The following C17orf75 variants were observed in gnomAD, a reference collection of about 807,000 sequenced individuals.
C17orf75 encodes chromosome 17 open reading frame 75.
A neutral mutation model predicts 49.6 loss-of-function variants in C17orf75; 32 were observed. That is an observed-to-expected ratio of 0.65 (90% confidence interval 0.49 to 0.87). C17orf75 has a LOEUF of 0.87. Ranked by LOEUF, C17orf75 falls within the 40% of genes least tolerant of loss-of-function variation. The probability of loss-of-function intolerance (pLI) is 0.00; values close to 1 mark genes in which losing one functional copy is unlikely to be tolerated. For synonymous variants in C17orf75, 158 were observed against 159.5 expected, an observed-to-expected ratio of 0.99 and a Z score of 0.07; for missense variants, 428 against 473.9, an observed-to-expected ratio of 0.90 and a Z score of 0.90.
intron 1 of C17orf75, chr17:32,341,655 A>G: frequency 2.8e-6 from 1 of 361,216 alleles, no homozygotes; most frequent in East Asian, 8.1e-5. Flanking sequence ...AGAAGTGGGG[A>G]GATAATGACA....
At chr17:32,334,860 C>A in intron 6 of C17orf75, 21 bp from the exon 7 acceptor site, 1 of 1,583,356 alleles carries the variant, frequency 6.3e-7, no homozygotes, top group South Asian at 1.1e-5. Context: ...AAAATAAAGC[C>A]TGATTGGTAC....
At chr17:32,339,325 C>A (rs901568991) in intron 3 of C17orf75, among the ~76,000 whole-genome samples, 1 of 146,318 alleles carries the variant, frequency 6.8e-6, no homozygotes, top group Non-Finnish European at 1.5e-5. Flanking sequence ...AAACTGTATA[C>A]AAATTTAGTT....
Position 32,331,468 on chromosome 17 carries a change from G to C in C17orf75, c.*295C>G, listed in dbSNP as rs1035006013. 11 of 295,514 alleles carry C rather than the reference G, an allele frequency of 3.7e-5. No individual in the cohort carries two copies. The Admixed American group carries it at 3.7e-4, about 10-fold the overall frequency. The allele number at this position is 295,514 out of a possible 1,614,324, so 18.3% of individuals were successfully genotyped here. A position where few individuals can be genotyped will look rare whatever the true frequency, so the allele number is the denominator to read the frequency against. Reference sequence around the variant, plus strand: ...CAAACTCAGGCTTTTCCTGAGAAAAGCCACAAACAAAATCATCTCTGAAAT... The same window carrying C: ...CAAACTCAGGCTTTTCCTGAGAAAACCCACAAACAAAATCATCTCTGAAAT... On this transcript the variant is annotated 3_prime_UTR_variant, in exon 10 of 10. Transcript: ENST00000577809.
chr17:32,339,214 A>T (rs2041354756), intron 3 of C17orf75, among the ~76,000 whole-genome samples: 1 of 151,510 alleles, frequency 6.6e-6, no homozygotes, highest in Admixed American at 6.6e-5. Context: ...TTAAGTTTAC[A>T]TAAACTCTGA....
chr17:32,335,549 C>T lies in C17orf75; in HGVS notation c.550-107G>A. 2.0e-5 allele frequency: 27 copies of T among 1,356,508 alleles called. No homozygotes were observed. In the Middle Eastern group the frequency reaches 5.7e-4, roughly 29 times the overall value. The allele number at this position is 1,356,508 out of a possible 1,614,324, so 84.0% of individuals were successfully genotyped here. ...TGGTGAAAAAGACCAGGATAGACAC[C>T]TCCCTTTTTAAAGCTAACACCACCA... On this transcript the variant is annotated intron_variant, in intron 5 of 9. Transcript: ENST00000577809.
Position 32,338,188 on chromosome 17 carries a change from A to C in C17orf75, c.491+20T>G. On this transcript the variant is annotated intron_variant, in intron 4 of 9. Coordinates refer to ENST00000577809, the MANE Select transcript of C17orf75 (RefSeq NM_022344.4). ...CCATGTTTTCCTTCCTGATGTTCTC[A>C]AAAACCAAAGAAAGGATATAGCTCA... 6.2e-7 allele frequency: 1 copy of C among 1,603,318 alleles called. No homozygotes were observed. The highest frequency in any genetic ancestry group is 1.1e-5 in the South Asian group (1 of 87,698).
chr17:32,342,192 C>A, upstream of C17orf75: 2 of 1,465,680 alleles, frequency 1.4e-6, no homozygotes, highest in African/African-American at 1.4e-5. Context: ...CCCCTGCTCC[C>A]GTGCAGCCGT....
At chr17:32,343,199 A>T (rs1036215171), upstream of C17orf75, among the ~76,000 whole-genome samples, 2 of 152,174 alleles carry the variant, frequency 1.3e-5, no homozygotes, top group Non-Finnish European at 2.9e-5. Flanking sequence ...TCAAGAGAGT[A>T]TGTCCCCACC....
At chr17:32,344,927 A>T (rs1420118716), upstream of C17orf75, among the ~76,000 whole-genome samples, 1 of 151,946 alleles carries the variant, frequency 6.6e-6, no homozygotes, top group African/African-American at 2.4e-5. Context: ...AAATAAAAAT[A>T]AAAAAAGAAA....
chr17:32,337,983 G>A, intron 4 of C17orf75, 29 bp from the exon 5 acceptor site: 1 of 1,573,184 alleles, frequency 6.4e-7, no homozygotes, highest in Non-Finnish European at 8.7e-7. Flanking sequence ...AATAAAGGAT[G>A]AATAATGAAG....
chr17:32,338,081 T>A, intron 4 of C17orf75, 127 bp from the exon 5 acceptor site: 1 of 1,513,336 alleles, frequency 6.6e-7, no homozygotes, highest in East Asian at 2.3e-5. Context: ...AATGGCCACA[T>A]GAAGGTATGA....
rs751041422 is a variant in C17orf75 at position 32,335,367 on chromosome 17, C to T, written c.625G>A (p.Val209Ile). The T allele has an allele frequency of 1.8e-5, 29 of 1,613,882 alleles. No homozygotes were observed. Among genetic ancestry groups the T allele is most frequent in the Non-Finnish European group, 2.4e-5 (28 of 1,179,826 alleles). The change falls in exon 6 of 10, where the codon GTT becomes ATT. Residue 209 changes from valine (V) to isoleucine (I), a missense_variant. Coordinates refer to ENST00000577809, the MANE Select transcript of C17orf75 (RefSeq NM_022344.4). ...FEDVVCPIQR[V>I]VLLFQEKLTF... ...AGCTTTTCCTGAAAGAGAAGAACAA[C>T]CCTTTGGATTGGGCATACAACATCC...
chr17:32,334,881 GT>G, intron 6 of C17orf75, 42 bp from the exon 7 acceptor site: 2 of 1,516,576 alleles, frequency 1.3e-6, no homozygotes, highest in Non-Finnish European at 9.0e-7. Flanking sequence ...ATATATTCCA[GT>G]TTTTCTTGAG....
chr17:32,345,440 C>T (rs775886105), upstream of C17orf75, among the ~76,000 whole-genome samples: 4 of 152,142 alleles, frequency 2.6e-5, no homozygotes, highest in Non-Finnish European at 5.9e-5. Context: ...CATGCCACTG[C>T]TCTCCAGCCT....
chr17:32,343,778 T>C (rs1468242265), upstream of C17orf75: 1 of 643,296 alleles, frequency 1.6e-6, no homozygotes, highest in East Asian at 2.8e-5. Flanking sequence ...AGGATTCTGA[T>C]TGCGGACAAC....
At chr17:32,334,087 A>T (rs934202995) in intron 8 of C17orf75, among the ~76,000 whole-genome samples, 1 of 152,236 alleles carries the variant, frequency 6.6e-6, no homozygotes, top group Non-Finnish European at 1.5e-5. Flanking sequence ...TGACACAAGT[A>T]GCTCTAGTTC....
intron 2 of C17orf75, chr17:32,340,862 TGAGGCCGGG>T (rs1481141163): frequency 1.7e-5 from 4 of 235,958 alleles, no homozygotes; most frequent in Middle Eastern, 1.6e-3. Context: ...GAGGATCACC[TGAGGCCGGG>T]GAGGTTGACG....
chr17:32,344,185 G>A, upstream of C17orf75: 2 of 493,610 alleles, frequency 4.1e-6, no homozygotes, highest in South Asian at 4.5e-5. Flanking sequence ...TTTTTATAGA[G>A]ACAGTGTATC....
At chr17:32,340,697 C>G (rs981714513) in intron 2 of C17orf75, among the ~76,000 whole-genome samples, 3 of 151,592 alleles carry the variant, frequency 2.0e-5, no homozygotes, top group Non-Finnish European at 4.4e-5. Flanking sequence ...TGCCTGTAAT[C>G]CCAACACTTT....
Sources: allele counts gnomAD v4.1 joint callset (sites outside exome capture counted in the v4.1 genomes callset), GRCh38; gene constraint gnomAD v4.1.1; transcripts MANE v1.5; gene names NCBI Gene and HGNC (gene_info 2026-07-23, HGNC 2026-07-21).